The following CTNNA3 variants were observed in gnomAD, a reference collection of about 807,000 sequenced individuals.
The protein encoded by CTNNA3 is catenin alpha 3.
Under a neutral mutation model 95.7 loss-of-function variants are expected in CTNNA3, and 76 were observed. That is an observed-to-expected ratio of 0.79 (90% CI 0.66 to 0.96). The LOEUF is 0.96. CTNNA3 is among the 40% of genes least tolerant of loss of function. CTNNA3 has a pLI of 0.00. For missense variants in CTNNA3, 1,191 were observed against 1,089.8 expected (o/e 1.09, Z -1.31); for synonymous variants, 431 against 374.4 (o/e 1.15, Z -1.74).
At chr10:66,108,108 T>A (rs926848933) in intron 13 of CTNNA3, among the ~76,000 whole-genome samples, 1 of 151,954 alleles carries the variant, frequency 6.6e-6, no homozygotes, top group Admixed American at 6.6e-5. Context: ...CCAGCTGAGG[T>A]AGTAACGTAG....
rs186219645 is a variant in CTNNA3, at chr10:66,907,672, C to T, written c.1048-132148G>A. On this transcript the variant is annotated intron_variant, in intron 7 of 17. Coordinates refer to ENST00000433211, the MANE Select transcript of CTNNA3 (RefSeq NM_013266.4). ...CAATGATTTAAGTTTTCTATTCACT[C>T]TACCATCAATTATAGTTCAGAGAAC... Among the ~76,000 whole-genome samples, 33 of 152,268 alleles carry T rather than the reference C, an allele frequency of 2.2e-4. 1 individual carries two copies. The East Asian group carries it at 6.2e-3, about 29-fold the overall frequency.
chr10:66,057,151 ACT>A (rs2133557798), intron 15 of CTNNA3, among the ~76,000 whole-genome samples: 1 of 152,186 alleles, frequency 6.6e-6, no homozygotes, highest in Non-Finnish European at 1.5e-5. Context: ...TGTTTTTGAG[ACT>A]CTGCCCAAAG....
chr10:67,061,867 A>G (rs1486900637), intron 7 of CTNNA3, among the ~76,000 whole-genome samples: 1 of 152,212 alleles, frequency 6.6e-6, no homozygotes, highest in Non-Finnish European at 1.5e-5. Flanking sequence ...CTGATAAAGA[A>G]TCAAGTTATG....
At chr10:67,128,761 A>T (rs1037660982) in intron 7 of CTNNA3, among the ~76,000 whole-genome samples, 2 of 152,110 alleles carry the variant, frequency 1.3e-5, no homozygotes, top group Non-Finnish European at 2.9e-5. Context: ...CCTGAGCATA[A>T]AATATTTTTT....
At chr10:67,098,819 C>G (rs148858914) in intron 7 of CTNNA3, 2 of 151,786 alleles carry the variant, frequency 1.3e-5, no homozygotes, top group Non-Finnish European at 2.9e-5. Flanking sequence ...CCTAATTAAC[C>G]CATAGCGGTT....
chr10:67,516,258 A>T (rs773969499), intron 5 of CTNNA3, among the ~76,000 whole-genome samples: 10 of 152,140 alleles, frequency 6.6e-5, no homozygotes, highest in Non-Finnish European at 1.3e-4. Context: ...GTTAGTCCCT[A>T]CCTTATAAGG....
intron 7 of CTNNA3, among the ~76,000 whole-genome samples, chr10:66,825,405 A>G (rs1184715981): frequency 1.3e-5 from 2 of 151,142 alleles, no homozygotes; most frequent in African/African-American, 2.4e-5. Flanking sequence ...CCTCCCAAGT[A>G]GCTGGGATTA....
chr10:67,066,579 G>A (rs978226782), intron 7 of CTNNA3, among the ~76,000 whole-genome samples: 8 of 148,040 alleles, frequency 5.4e-5, no homozygotes, highest in Non-Finnish European at 1.0e-4. Context: ...CATTACAGAA[G>A]CCAAAATATC....
chr10:66,924,471 A>G (rs1232579838), intron 7 of CTNNA3, among the ~76,000 whole-genome samples: 2 of 152,226 alleles, frequency 1.3e-5, no homozygotes. Context: ...TGGAGATGAA[A>G]AGAATCGAAC....
At position 66,794,349 on chromosome 10, in the gene CTNNA3, C is replaced by T. The variant is rs12247209; in HGVS notation, c.1048-18825G>A. Among the ~76,000 whole-genome samples the T allele has an allele frequency of 8.8e-3, 1,343 of 151,906 alleles. 19 individuals carry two copies. Among genetic ancestry groups the T allele is most frequent in the African/African-American group, 0.031 (1,282 of 41,236 alleles). ...AAAGAAATACTGCAATAAAGCAAGT[C>T]ACATGGGTTTTTTGGTTTCTCAATG... On this transcript the variant is annotated intron_variant, in intron 7 of 17. Transcript: ENST00000433211.
Position 66,265,224 on chromosome 10 carries a change from C to T in CTNNA3, c.1884+15246G>A, listed in dbSNP as rs376285616. 3.9e-5 allele frequency among the ~76,000 whole-genome samples: 6 copies of T among 152,004 alleles called. No homozygotes were observed. The East Asian group carries it at 1.2e-3, about 29-fold the overall frequency. ...CTTGGTTGTGATAACACCAAAAGTA[C>T]ACTGAATTTGGAGTCAGGAGACCTG... is the stretch of plus-strand genomic sequence containing the variant. On this transcript the variant is annotated intron_variant, in intron 13 of 17. Coordinates refer to ENST00000433211, the MANE Select transcript of CTNNA3 (RefSeq NM_013266.4).
intron 7 of CTNNA3, among the ~76,000 whole-genome samples, chr10:66,892,433 TC>T (rs1184278990): frequency 6.6e-6 from 1 of 152,126 alleles, no homozygotes; most frequent in Non-Finnish European, 1.5e-5. Context: ...ATCGCATTAC[TC>T]TTTTGGAAAA....
At chr10:65,989,767 GTTT>G (rs1419084090) in intron 15 of CTNNA3, among the ~76,000 whole-genome samples, 1 of 151,982 alleles carries the variant, frequency 6.6e-6, no homozygotes, top group Non-Finnish European at 1.5e-5. Flanking sequence ...TCAATACATT[GTTT>G]TTAACTATAG....
rs75315815 is a variant in CTNNA3, at chr10:66,459,854, A to C, written c.1531+60763T>G. ...ATATATATGTTCCATCATTGACTTA[A>C]ACACTATCATGTAATGAATGACTGC... On this transcript the variant is annotated intron_variant, in intron 11 of 17. Coordinates refer to ENST00000433211, the MANE Select transcript of CTNNA3 (RefSeq NM_013266.4). 4.4e-4 allele frequency among the ~76,000 whole-genome samples: 67 copies of C among 152,312 alleles called. No individual in the cohort carries two copies. In the East Asian group the frequency reaches 0.013, roughly 29 times the overall value.
At chr10:67,323,068 G>GT (rs1357924794) in intron 5 of CTNNA3, among the ~76,000 whole-genome samples, 1 of 151,998 alleles carries the variant, frequency 6.6e-6, no homozygotes, top group East Asian at 1.9e-4. Flanking sequence ...TAATGGGGTT[G>GT]TTTTTTTCTT....
At chr10:66,008,317 C>T (rs2078937332) in intron 15 of CTNNA3, among the ~76,000 whole-genome samples, 1 of 152,226 alleles carries the variant, frequency 6.6e-6, no homozygotes, top group African/African-American at 2.4e-5. Flanking sequence ...GTGGCTTACA[C>T]ACTGGTGCTG....
chr10:67,495,407 G>C (rs1285802213), intron 5 of CTNNA3, among the ~76,000 whole-genome samples: 1 of 152,122 alleles, frequency 6.6e-6, no homozygotes, highest in African/African-American at 2.4e-5. Flanking sequence ...AAGACTCCTA[G>C]AAGCATTTTT....
intron 11 of CTNNA3, among the ~76,000 whole-genome samples, chr10:66,463,452 C>T (rs908915635): frequency 1.3e-5 from 2 of 152,104 alleles, no homozygotes; most frequent in African/African-American, 4.8e-5. Flanking sequence ...CTAATTAAAC[C>T]TCTTTCTTTA....
At chr10:66,530,994 T>C (rs1841447648) in intron 10 of CTNNA3, among the ~76,000 whole-genome samples, 1 of 152,072 alleles carries the variant, frequency 6.6e-6, no homozygotes, top group Non-Finnish European at 1.5e-5. Flanking sequence ...ACTATTTCGG[T>C]TATGGAAAAT....
Sources: gnomAD v4.1 joint callset for allele counts (sites outside exome capture counted in the v4.1 genomes callset) on GRCh38, gnomAD v4.1.1 for gene constraint, MANE v1.5 for transcripts, NCBI Gene and HGNC (gene_info 2026-07-23, HGNC 2026-07-21) for gene names.